DGKB: variants seen among roughly 807,000 people sequenced by gnomAD.
DGKB encodes 90 kDa diacylglycerol kinase.
A neutral mutation model predicts 114.3 loss-of-function variants in DGKB; 67 were observed. The ratio of observed to expected loss-of-function variants is 0.59; its 90% CI spans 0.48 to 0.72. The LOEUF is 0.72. DGKB is among the 30% of genes least tolerant of loss of function. The probability of loss-of-function intolerance (pLI) is 0.00; values close to 1 mark genes in which losing one functional copy is unlikely to be tolerated. For missense variants in DGKB, 907 were observed against 975.2 expected, an observed-to-expected ratio of 0.93 and a Z score of 0.93; for synonymous variants, 398 against 323.1, an observed-to-expected ratio of 1.23 and a Z score of -2.49.
chr7:14,261,900 C>A (rs1484871906), intron 23 of DGKB, among the ~76,000 whole-genome samples: 1 of 152,102 alleles, frequency 6.6e-6, no homozygotes, highest in Non-Finnish European at 1.5e-5. Context: ...GAACACAAAG[C>A]AGAAATAAAT....
At chr7:14,648,599 C>G (rs1444352232) in intron 13 of DGKB, among the ~76,000 whole-genome samples, 1 of 152,120 alleles carries the variant, frequency 6.6e-6, no homozygotes, top group South Asian at 2.1e-4. Context: ...TCTCCTCCTC[C>G]AAAGGAATGC....
At chr7:14,933,779 C>T (rs36869) in intron 1 of DGKB, among the ~76,000 whole-genome samples, 15,362 of 152,118 alleles carry the variant, frequency 0.1, 1,120 homozygotes, top group Middle Eastern at 0.16. Flanking sequence ...TGTTTTGCTG[C>T]TCTTCGATTA....
chr7:14,233,777 G>T (rs181325553), intron 23 of DGKB, among the ~76,000 whole-genome samples: 1 of 151,862 alleles, frequency 6.6e-6, no homozygotes, highest in Non-Finnish European at 1.5e-5. Context: ...GGAGTGTGTG[G>T]GGGGTGCAAC....
At chr7:14,517,556 T>C (rs529153409) in intron 20 of DGKB, among the ~76,000 whole-genome samples, 1 of 152,134 alleles carries the variant, frequency 6.6e-6, no homozygotes, top group African/African-American at 2.4e-5. Context: ...TTTTGTAAAC[T>C]ATGCATCTGA....
At chr7:14,434,674 T>C (rs1583912668) in intron 21 of DGKB, among the ~76,000 whole-genome samples, 1 of 152,156 alleles carries the variant, frequency 6.6e-6, no homozygotes, top group East Asian at 1.9e-4. Flanking sequence ...CAAATGTGTA[T>C]GTTGTTTTAA....
rs140494373 is a variant in DGKB at position 14,884,405 on chromosome 7, C to T, written c.-188+18187G>A. Reference sequence around the variant, plus strand: ...CAGTTCATTCTTTATTTCCAGGCAGCCTTTAGTTATAAATAAAATGGATAG... The same window carrying T: ...CAGTTCATTCTTTATTTCCAGGCAGTCTTTAGTTATAAATAAAATGGATAG... On this transcript the variant is annotated intron_variant, in intron 1 of 25. Transcript: ENST00000402815. Among the ~76,000 whole-genome samples, 361 of 151,990 alleles carry T rather than the reference C, an allele frequency of 2.4e-3. 2 individuals carry two copies. Among genetic ancestry groups the T allele is most frequent in the African/African-American group, 8.3e-3 (343 of 41,508 alleles).
At chr7:14,168,445 C>A (rs1784919945) in intron 25 of DGKB, among the ~76,000 whole-genome samples, 1 of 152,140 alleles carries the variant, frequency 6.6e-6, no homozygotes. Context: ...CATACAGCTA[C>A]AGATTCGTGA....
chr7:14,343,280 T>G (rs542363912), intron 22 of DGKB, among the ~76,000 whole-genome samples: 2 of 150,898 alleles, frequency 1.3e-5, no homozygotes, highest in Admixed American at 1.3e-4. Context: ...GCTCCCAAAA[T>G]AAGCCAGGGA....
intron 2 of DGKB, among the ~76,000 whole-genome samples, chr7:14,825,699 G>A (rs1275079261): frequency 6.6e-6 from 1 of 152,142 alleles, no homozygotes; most frequent in Non-Finnish European, 1.5e-5. Context: ...ACCAGTACAG[G>A]TCAGTGGCAG....
intron 1 of DGKB, among the ~76,000 whole-genome samples, chr7:14,914,219 C>G (rs1005258614): frequency 1.3e-5 from 2 of 152,176 alleles, no homozygotes; most frequent in African/African-American, 4.8e-5. Context: ...CTCCATCATT[C>G]CTTCTTGTTT....
Position 14,501,457 on chromosome 7 carries a change from C to G in DGKB, c.1771-23232G>C, listed in dbSNP as rs1045046408. 8.6e-5 allele frequency among the ~76,000 whole-genome samples: 13 copies of G among 151,778 alleles called. No individual in the cohort carries two copies. The East Asian group carries it at 2.5e-3, about 29-fold the overall frequency. Reference sequence around the variant, plus strand: ...ATAGTTTGGCTAAAAGTGATAGAAACAGTACAAAATGAAAAGAGGTTGTTG... The same window carrying G: ...ATAGTTTGGCTAAAAGTGATAGAAAGAGTACAAAATGAAAAGAGGTTGTTG... On this transcript the variant is annotated intron_variant, in intron 20 of 25. Transcript: ENST00000402815.
intron 23 of DGKB, among the ~76,000 whole-genome samples, chr7:14,258,907 T>TG (rs1034734278): frequency 3.3e-5 from 5 of 152,124 alleles, no homozygotes; most frequent in Non-Finnish European, 5.9e-5. Context: ...GAATTATTAT[T>TG]GGGGGGCACT....
intron 20 of DGKB, among the ~76,000 whole-genome samples, chr7:14,483,108 T>C (rs1783232199): frequency 6.6e-6 from 1 of 151,182 alleles, no homozygotes; most frequent in Admixed American, 6.6e-5. Flanking sequence ...TTACATCATC[T>C]GTAGTGGGCT....
At chr7:14,891,421 G>GA (rs1234375593) in intron 1 of DGKB, among the ~76,000 whole-genome samples, 2 of 151,184 alleles carry the variant, frequency 1.3e-5, no homozygotes, top group Admixed American at 6.6e-5. Context: ...CAAACCACTG[G>GA]AAAAAAACAA....
At chr7:14,370,471 G>A (rs746286250) in intron 21 of DGKB, among the ~76,000 whole-genome samples, 12 of 152,056 alleles carry the variant, frequency 7.9e-5, no homozygotes, top group Non-Finnish European at 1.8e-4. Context: ...GAAAGTCAGC[G>A]GTAGCTTGAT....
chr7:14,783,919 T>A (rs1261275122), intron 2 of DGKB, among the ~76,000 whole-genome samples: 1 of 152,192 alleles, frequency 6.6e-6, no homozygotes, highest in East Asian at 1.9e-4. Context: ...ACAAAAATGA[T>A]CCCTTGTTAA....
At chr7:14,628,092 A>T (rs1050738418) in intron 14 of DGKB, among the ~76,000 whole-genome samples, 3 of 152,100 alleles carry the variant, frequency 2.0e-5, no homozygotes, top group Non-Finnish European at 4.4e-5. Context: ...TTATGCTCAC[A>T]CTCATTGTCT....
intron 13 of DGKB, 29 bp from the exon 14 acceptor site, chr7:14,630,297 G>A (rs1353952193): frequency 6.5e-7 from 1 of 1,535,434 alleles, no homozygotes; most frequent in Non-Finnish European, 8.8e-7. Flanking sequence ...TCATATGAAA[G>A]CTGAAAAAGA....
At chr7:14,844,345 C>G (rs1008900749) in intron 1 of DGKB, among the ~76,000 whole-genome samples, 1 of 152,154 alleles carries the variant, frequency 6.6e-6, no homozygotes, top group African/African-American at 2.4e-5. Flanking sequence ...CCCACATAAA[C>G]TAGACAGGGG....
Sources: gnomAD v4.1 joint callset for allele counts (sites outside exome capture counted in the v4.1 genomes callset) on GRCh38, gnomAD v4.1.1 for gene constraint, MANE v1.5 for transcripts, NCBI Gene and HGNC (gene_info 2026-07-23, HGNC 2026-07-21) for gene names.